RAI1: variants seen among roughly 807,000 people sequenced by gnomAD.
RAI1 encodes retinoic acid-induced protein 1.
In RAI1, 9 loss-of-function variants were observed where a neutral mutation model predicts 123.8. The ratio of observed to expected loss-of-function variants is 0.07; its 90% confidence interval spans 0.04 to 0.13. The LOEUF is 0.13. Ranked by LOEUF, RAI1 falls within the 10% of genes least tolerant of loss-of-function variation. The pLI is 1.00. For synonymous variants in RAI1, 1,231 were observed against 1,127.3 expected (o/e 1.09, Z -1.84); for missense variants, 2,256 against 2,545.8 (o/e 0.89, Z 2.45).
rs959911033 is a variant in RAI1, at chr17:17,795,277, G to C, written c.2329G>C (p.Asp777His). Residue 777 changes from aspartate to histidine, a missense_variant, in exon 3 of 6, where the codon GAT becomes CAT. Physicochemically the swap from Asp to His is moderately conservative, Grantham distance 81. Around this residue, in one of 7 missense-constraint regions of RAI1, gnomAD observed 566 missense variants for 616.0 expected, o/e 0.92. Transcript: ENST00000353383. This position sits in a 1 kb window ranked among gnomAD's most constrained non-coding sequence, Gnocchi z 5.9. ...CCTGGAGCAGGGTGGGAAGGCCTCA[G>C]ATGGCATCAGCAAAGGGGACACCCA... ...KGLEQGGKAS[D>H]GISKGDTHEA... 4.3e-6 allele frequency: 7 copies of C among 1,613,542 alleles called. No homozygotes were observed. The Admixed American group carries it at 5.0e-5, about 12-fold the overall frequency.
chr17:17,691,117 G>C (rs1914823139), intron 1 of RAI1, among the ~76,000 whole-genome samples: 2 of 152,214 alleles, frequency 1.3e-5, no homozygotes, highest in Non-Finnish European at 2.9e-5. Context: ...ATTCAAGGGG[G>C]CTCTGTGCCA....
At chr17:17,705,547 A>AAAAAACAAAAACAAAAAC (rs10634571) in intron 1 of RAI1, among the ~76,000 whole-genome samples, 17 of 151,326 alleles carry the variant, frequency 1.1e-4, no homozygotes, top group Admixed American at 2.0e-4. Context: ...ACTCCGTCTC[A>AAAAAACAAAAACAAAAAC]AAAAACAAAA....
chr17:17,792,979 C>T lies in RAI1; in HGVS notation c.31C>T (p.His11Tyr), dbSNP rs2143001441. 1 of 1,556,406 alleles carries T rather than the reference C, an allele frequency of 6.4e-7. No homozygotes were observed. Among genetic ancestry groups the T allele is most frequent in the Non-Finnish European group, 8.7e-7 (1 of 1,144,188 alleles). The part of the protein sequence containing the change: MQSFRERCGF[H>Y]GKQQNYQQTS... ...GTCTTTTCGAGAAAGGTGTGGTTTCCATGGCAAACAACAGAACTACCAGCA... is the reference window on the plus strand; with the variant it reads ...GTCTTTTCGAGAAAGGTGTGGTTTCTATGGCAAACAACAGAACTACCAGCA... The change falls in exon 3 of 6, where the codon CAT (histidine) becomes TAT (tyrosine). Residue 11 changes from histidine (H) to tyrosine (Y), a missense_variant. Physicochemically the swap from His to Tyr is moderately conservative, Grantham distance 83. Transcript: ENST00000353383.
intron 2 of RAI1, among the ~76,000 whole-genome samples, chr17:17,762,050 GCCACCAGCAGCTACCCATCCATTGGGCA>G (rs892840426): frequency 1.3e-5 from 2 of 152,192 alleles, no homozygotes; most frequent in African/African-American, 4.8e-5. Context: ...AGGCTGGAGT[GCCACCAGCAGCTACCCATCCATTGGGCA>G]TGCGTGTGTC....
chr17:17,793,893 G>C lies in RAI1; in HGVS notation c.945G>C (p.Gly315=), dbSNP rs2032125719. 1.9e-6 allele frequency: 3 copies of C among 1,613,684 alleles called. No homozygotes were observed. The highest frequency in any genetic ancestry group is 1.7e-5 in the Admixed American group (1 of 60,006). Residue 315 remains glycine, a synonymous_variant, in exon 3 of 6, where the codon GGG becomes GGC. Coordinates refer to ENST00000353383, the MANE Select transcript of RAI1 (RefSeq NM_030665.4). The part of the protein sequence containing the change: ...YQNLAKYQHY[G]QQGQGYCQPD... ...ACCTCGCCAAGTATCAGCACTACGG[G>C]CAGCAAGGCCAGGGCTACTGCCAGC...
At chr17:17,759,787 A>G (rs2030609408) in intron 2 of RAI1, among the ~76,000 whole-genome samples, 1 of 152,184 alleles carries the variant, frequency 6.6e-6, no homozygotes, top group Admixed American at 6.5e-5. Context: ...ACAGGCCCCC[A>G]GTGGATGCTG....
rs1915664941 is a variant in RAI1, at chr17:17,714,902, A to G, written c.-148-9126A>G. ...TCTCGGCCTAGGAGCTTTCTTGCTC[A>G]GCTTGGGGAGAGAGGTAGTAATGTC... On this transcript the variant is annotated intron_variant, in intron 1 of 5. Coordinates refer to ENST00000353383, the MANE Select transcript of RAI1 (RefSeq NM_030665.4). The surrounding 1 kb of genome is among the most constrained non-coding windows in gnomAD (Gnocchi z 4.9). Among the ~76,000 whole-genome samples the G allele has an allele frequency of 6.6e-6, 1 of 152,222 alleles. No homozygotes were observed. The highest frequency in any genetic ancestry group is 1.5e-5 in the Non-Finnish European group (1 of 68,032).
rs1371214858 is a variant in RAI1, at chr17:17,809,678, A to AG, written c.5709+243dup. On this transcript the variant is annotated intron_variant, in intron 5 of 5. Coordinates refer to ENST00000353383, the MANE Select transcript of RAI1 (RefSeq NM_030665.4). The surrounding 1 kb of genome is among the most constrained non-coding windows in gnomAD (Gnocchi z 4.9). ...CGCAGGCGTCGGGGCATGGGCAGCC[A>AG]GGGGCTGGAGGGCGTCCCTGGGACG... Among the ~76,000 whole-genome samples, 4 of 151,980 alleles carry AG rather than the reference A, an allele frequency of 2.6e-5. No individual in the cohort carries two copies. The highest frequency in any genetic ancestry group is 5.9e-5 in the Non-Finnish European group (4 of 67,956).
Position 17,793,787 on chromosome 17 carries a change from AGCAGCAGCAGCAGCAGCAG to A in RAI1, c.840_858del (p.Gln280HisfsTer78). ...GGCCGCCTCAGCTATGACCAGCAGC[AGCAGCAGCAGCAGCAGCAG>A]CAGCAGCAGCAGCAAGCCCTTCAGA... On this transcript the variant is annotated frameshift_variant, in exon 3 of 6. Transcript: ENST00000353383. LOFTEE classifies it high-confidence loss of function. 1 of 1,423,626 alleles carries A rather than the reference AGCAGCAGCAGCAGCAGCAG, an allele frequency of 7.0e-7. No homozygotes were observed. Among genetic ancestry groups the A allele is most frequent in the East Asian group, 3.5e-5 (1 of 28,458 alleles). 88.2% of individuals were successfully genotyped at this position (1,423,626 alleles called of 1,614,324 possible). A position where few individuals can be genotyped will look rare whatever the true frequency, so the allele number is the denominator to read the frequency against.
In RAI1 at chr17:17,810,778, A is replaced by C. The variant is rs1245840528; in HGVS notation, c.*797A>C. ...AGCCCAGCCTGGGAGCGCAAAACCC[A>C]AGAAGCGGCCAGAACGCACCTCCGG... On this transcript the variant is annotated 3_prime_UTR_variant, in exon 6 of 6. Transcript: ENST00000353383. This position sits in a 1 kb window ranked among gnomAD's most constrained non-coding sequence, Gnocchi z 4.6. 3 of 454,182 alleles carry C rather than the reference A, an allele frequency of 6.6e-6. No individual in the cohort carries two copies. The highest frequency in any genetic ancestry group is 2.4e-5 in the Admixed American group (1 of 42,426). 28.1% of individuals were successfully genotyped at this position (454,182 alleles called of 1,614,324 possible).
At chr17:17,782,144 C>T (rs978903785) in intron 2 of RAI1, 1 of 151,512 alleles carries the variant, frequency 6.6e-6, no homozygotes. Flanking sequence ...GAGATTTAGC[C>T]GTGCGATGCC....
At chr17:17,746,568 G>C (rs1331200032) in intron 2 of RAI1, among the ~76,000 whole-genome samples, 1 of 151,822 alleles carries the variant, frequency 6.6e-6, no homozygotes, top group Non-Finnish European at 1.5e-5. Flanking sequence ...GATGGGGGCT[G>C]CTGGGGCAAA....
At chr17:17,689,103 G>A (rs1362491594) in intron 1 of RAI1, among the ~76,000 whole-genome samples, 6 of 151,904 alleles carry the variant, frequency 3.9e-5, no homozygotes, top group Admixed American at 3.9e-4. Flanking sequence ...TTACAGGTAC[G>A]CACTACCATG....
At chr17:17,802,645 G>A (rs145515849) in intron 3 of RAI1, among the ~76,000 whole-genome samples, 6,394 of 152,114 alleles carry the variant, frequency 0.042, 469 homozygotes, top group African/African-American at 0.14. Context: ...GCGTGGTGGC[G>A]GGCACCTGTA....
At chr17:17,778,763 CCTA>C in intron 2 of RAI1, 1 of 456,750 alleles carries the variant, frequency 2.2e-6, no homozygotes, top group Non-Finnish European at 4.4e-6. Flanking sequence ...GAGGGATTCT[CCTA>C]CAACTTTCCA....
At chr17:17,732,596 A>G (rs1441680216) in intron 2 of RAI1, among the ~76,000 whole-genome samples, 1 of 151,996 alleles carries the variant, frequency 6.6e-6, no homozygotes, top group Non-Finnish European at 1.5e-5. Flanking sequence ...GTCCCAACTG[A>G]GCCTGTTCTC....
intron 2 of RAI1, among the ~76,000 whole-genome samples, chr17:17,776,431 C>T (rs142730684): frequency 0.011 from 1,674 of 152,078 alleles, 15 homozygotes; most frequent in South Asian, 0.03. Flanking sequence ...AGTCCAGTGG[C>T]GCGATCTCAG....
chr17:17,724,406 C>CTTTTTTTT (rs771760855), intron 2 of RAI1, among the ~76,000 whole-genome samples: 1 of 103,758 alleles, frequency 9.6e-6, no homozygotes, highest in Admixed American at 1.0e-4. Context: ...TCTTTCTTTC[C>CTTTTTTTT]TTTTTTTTTT....
intron 1 of RAI1, among the ~76,000 whole-genome samples, chr17:17,691,331 G>A (rs73292246): frequency 0.012 from 1,881 of 152,296 alleles, 45 homozygotes; most frequent in African/African-American, 0.043. Context: ...TCCATGTGCC[G>A]AGGGTTGAGA....
Sources: gnomAD v4.1 joint callset for allele counts (sites outside exome capture counted in the v4.1 genomes callset) on GRCh38, gnomAD v4.1.1 for gene constraint, gnomAD v4.1.1 regional missense constraint, Gnocchi (gnomAD v3.1) non-coding constraint, MANE v1.5 for transcripts, NCBI Gene and HGNC (gene_info 2026-07-23, HGNC 2026-07-21) for gene names.